Variants in CNOT3 observed in about 807,000 individuals in gnomAD.
The protein encoded by CNOT3 is CCR4-NOT transcription complex subunit 3.
CNOT3 carries 2 observed loss-of-function variants against 89.4 expected under a neutral mutation model. That is an observed-to-expected ratio of 0.02 (90% CI 0.01 to 0.07). The LOEUF is 0.07. CNOT3 is among the 10% of genes least tolerant of loss of function. The pLI, the probability that CNOT3 is intolerant of heterozygous loss-of-function variation, is 1.00. For missense variants in CNOT3, 664 were observed against 1,010.2 expected (o/e 0.66, Z 4.65); for synonymous variants, 486 against 402.0 (o/e 1.21, Z -2.50).
chr19:54,146,134 G>T, intron 9 of CNOT3, 91 bp downstream of exon 9: 4 of 1,414,766 alleles, frequency 2.8e-6, no homozygotes, highest in African/African-American at 1.4e-5. Flanking sequence ...GGCTATGGGA[G>T]CGTAATTGAG....
Position 54,148,877 on chromosome 19 carries a change from A to C in CNOT3, c.1406+134A>C. The C allele has an allele frequency of 1.4e-6, 1 of 737,788 alleles. No individual in the cohort carries two copies. Among genetic ancestry groups the C allele is most frequent in the Non-Finnish European group, 2.2e-6 (1 of 456,958 alleles). 45.7% of individuals were successfully genotyped at this position (737,788 alleles called of 1,614,324 possible). ...TGGGAATGGCCAAGCGCTATCCTCC[A>C]TCTCCCTCGGGTGTTACACCCCCAC... On this transcript the variant is annotated intron_variant, in intron 12 of 17. Coordinates refer to ENST00000221232, the MANE Select transcript of CNOT3 (RefSeq NM_014516.4). The surrounding 1 kb of genome is among the most constrained non-coding windows in gnomAD (Gnocchi z 6.3).
At chr19:54,154,268 A>C in intron 17 of CNOT3, 1 of 343,882 alleles carries the variant, frequency 2.9e-6, no homozygotes, top group Non-Finnish European at 5.8e-6. Flanking sequence ...CAGTGCGGAA[A>C]CTATTTTTTT....
rs748695544 is a variant in CNOT3, at chr19:54,145,509, G to A, written c.484-89G>A. 4.4e-6 allele frequency: 4 copies of A among 899,756 alleles called. No individual in the cohort carries two copies. In the South Asian group the frequency reaches 5.7e-5, roughly 13 times the overall value. 55.7% of individuals were successfully genotyped at this position (899,756 alleles called of 1,614,324 possible). ...GTGGAGGCTTTGGGTCTCCACAGGG[G>A]TCAGGGACTGAGGACAGGTTCTGTG... is the stretch of plus-strand genomic sequence containing the variant. On this transcript the variant is annotated intron_variant, in intron 7 of 17. Transcript: ENST00000221232. The surrounding 1 kb of genome is among the most constrained non-coding windows in gnomAD (Gnocchi z 5.9).
rs1476277981 is a variant in CNOT3 at position 54,152,900 on chromosome 19, C to G, written c.1938C>G (p.Pro646=). The change falls in exon 16 of 18, where the codon CCC becomes CCG. Residue 646 remains proline, a synonymous_variant. Transcript: ENST00000221232. ...QYLPRNPCPT[P]PYHHQMPPPH... ...TCCCCCGGAACCCCTGTCCGACGCC[C>G]CCCTACCACCACCAGATGCCACCCC... is the stretch of plus-strand genomic sequence containing the variant. 5 of 1,568,570 alleles carry G rather than the reference C, an allele frequency of 3.2e-6. No individual in the cohort carries two copies. The highest frequency in any genetic ancestry group is 4.3e-6 in the Non-Finnish European group (5 of 1,149,792).
In CNOT3 at chr19:54,145,956, G is replaced by A; in HGVS notation, c.750G>A (p.Glu250=). The change falls in exon 9 of 18, where the codon GAG becomes GAA. Residue 250 remains glutamate (E), a synonymous_variant. Coordinates refer to ENST00000221232, the MANE Select transcript of CNOT3 (RefSeq NM_014516.4). This position sits in a 1 kb window ranked among gnomAD's most constrained non-coding sequence, Gnocchi z 5.9. ...ATSPPSHSHM[E]DEIFNQSSST... is the part of the protein sequence containing the mutation. ...CCCCCCCCAGCCACAGCCACATGGAGGATGAGATCTTCAACCAGTCCAGCA... is the reference window on the plus strand; with the variant it reads ...CCCCCCCCAGCCACAGCCACATGGAAGATGAGATCTTCAACCAGTCCAGCA... 2 of 1,613,984 alleles carry A rather than the reference G, an allele frequency of 1.2e-6. No individual in the cohort carries two copies. Among genetic ancestry groups the A allele is most frequent in the African/African-American group, 1.3e-5 (1 of 75,034 alleles).
intron 13 of CNOT3, among the ~76,000 whole-genome samples, chr19:54,150,347 G>A (rs1439244019): frequency 1.3e-5 from 2 of 152,210 alleles, no homozygotes; most frequent in Non-Finnish European, 2.9e-5. Context: ...GGTGCTTTAG[G>A]AGGAGCATGC....
Position 54,153,016 on chromosome 19 carries a change from G to GGGGCAGCCTCGGGCCCCCC in CNOT3, c.2037+20_2037+38dup. 2 of 1,597,132 alleles carry GGGGCAGCCTCGGGCCCCCC rather than the reference G, an allele frequency of 1.3e-6. No individual in the cohort carries two copies. Among genetic ancestry groups the GGGGCAGCCTCGGGCCCCCC allele is most frequent in the Non-Finnish European group, 1.7e-6 (2 of 1,168,468 alleles). On this transcript the variant is annotated intron_variant, in intron 16 of 17. Transcript: ENST00000221232. Reference sequence around the variant, plus strand: ...TATCTGGAGGTACAGCAGGGCCCCCGGGGCAGCCTCGGGCCCCCCGGCTTC... The same window carrying GGGGCAGCCTCGGGCCCCCC: ...TATCTGGAGGTACAGCAGGGCCCCCGGGGCAGCCTCGGGCCCCCCGGGCAGCCTCGGGCCCCCCGGCTTC...
Position 54,137,838 on chromosome 19 carries a change from C to T in CNOT3, c.-206C>T, listed in dbSNP as rs2074277917. 1 of 151,994 alleles carries T rather than the reference C, an allele frequency of 6.6e-6. No homozygotes were observed. 9.4% of individuals were successfully genotyped at this position (151,994 alleles called of 1,614,324 possible). ...GCCTCCCTTGAGCCCCGACCCCCGT[C>T]GTCAGAACAACCCCGGGCCCACTCC... On this transcript the variant is annotated 5_prime_UTR_variant, in exon 1 of 18. Coordinates refer to ENST00000221232, the MANE Select transcript of CNOT3 (RefSeq NM_014516.4).
intron 1 of CNOT3, among the ~76,000 whole-genome samples, chr19:54,139,040 C>T (rs1175841502): frequency 6.6e-6 from 1 of 152,208 alleles, no homozygotes; most frequent in African/African-American, 2.4e-5. Flanking sequence ...CCCTGGCGCT[C>T]AGGTGCCTGG....
At position 54,145,189 on chromosome 19, in the gene CNOT3, T is replaced by C. The variant is rs1248593296; in HGVS notation, c.484-409T>C. Among the ~76,000 whole-genome samples the C allele has an allele frequency of 6.6e-6, 1 of 152,004 alleles. No individual in the cohort carries two copies. The highest frequency in any genetic ancestry group is 2.4e-5 in the African/African-American group (1 of 41,366). Reference sequence around the variant, plus strand: ...CAGCAAGCTCCTCACAAATGGGGGTTATCATTGTTACTGCTGGAGCAGGTC... The same window carrying C: ...CAGCAAGCTCCTCACAAATGGGGGTCATCATTGTTACTGCTGGAGCAGGTC... On this transcript the variant is annotated intron_variant, in intron 7 of 17. Coordinates refer to ENST00000221232, the MANE Select transcript of CNOT3 (RefSeq NM_014516.4). This position sits in a 1 kb window ranked among gnomAD's most constrained non-coding sequence, Gnocchi z 5.9.
At chr19:54,138,902 C>G (rs753655546) in intron 1 of CNOT3, among the ~76,000 whole-genome samples, 2 of 152,224 alleles carry the variant, frequency 1.3e-5, no homozygotes, top group Non-Finnish European at 2.9e-5. Flanking sequence ...CTTCTTTGAT[C>G]CTGGCGTCTG....
rs2074566797 is a variant in CNOT3, at chr19:54,144,221, CCT to C, written c.388-12_388-11del. The stretch of plus-strand genomic sequence containing the variant: ...AACCCTAGCTGATGGGCTTCCTCTT[CCT>C]CTCCCTCCCCTAGAATACCATCGAC... On this transcript the variant is annotated splice_polypyrimidine_tract_variant and intron_variant, in intron 6 of 17. Transcript: ENST00000221232. The surrounding 1 kb of genome is among the most constrained non-coding windows in gnomAD (Gnocchi z 4.8). 1 of 1,613,598 alleles carries C rather than the reference CCT, an allele frequency of 6.2e-7. No homozygotes were observed. The highest frequency in any genetic ancestry group is 8.5e-7 in the Non-Finnish European group (1 of 1,179,688).
At chr19:54,138,146 CGGGGCTCCCGGCGG>C (rs1426532971) in intron 1 of CNOT3, among the ~76,000 whole-genome samples, 153 bp downstream of exon 1, 1 of 151,878 alleles carries the variant, frequency 6.6e-6, no homozygotes, top group African/African-American at 2.4e-5. Flanking sequence ...CTCTGCAGCG[CGGGGCTCCCGGCGG>C]GGGGCGGCTC....
Position 54,148,759 on chromosome 19 carries a change from A to G in CNOT3, c.1406+16A>G, listed in dbSNP as rs988915249. 31 of 1,608,034 alleles carry G rather than the reference A, an allele frequency of 1.9e-5. No individual in the cohort carries two copies. Among genetic ancestry groups the G allele is most frequent in the Non-Finnish European group, 2.5e-5 (29 of 1,177,666 alleles). On this transcript the variant is annotated intron_variant, in intron 12 of 17. Coordinates refer to ENST00000221232, the MANE Select transcript of CNOT3 (RefSeq NM_014516.4). This position sits in a 1 kb window ranked among gnomAD's most constrained non-coding sequence, Gnocchi z 6.3. ...CCAGCACCTCGTGAGTGTCTCGGCC[A>G]TCGGCAGGGTTGGGATGGCAGCCTT...
At position 54,145,579 on chromosome 19, in the gene CNOT3, G is replaced by A. The variant is rs761899974; in HGVS notation, c.484-19G>A. ...AGGTGCTCTGCAGCCCCTGAGCCTG[G>A]CCCTGGGCTCGCCAGCAGAAGCAGG... On this transcript the variant is annotated intron_variant, in intron 7 of 17. Coordinates refer to ENST00000221232, the MANE Select transcript of CNOT3 (RefSeq NM_014516.4). This position sits in a 1 kb window ranked among gnomAD's most constrained non-coding sequence, Gnocchi z 5.9. 14 of 1,597,366 alleles carry A rather than the reference G, an allele frequency of 8.8e-6. No homozygotes were observed. In the Admixed American group the frequency reaches 1.2e-4, roughly 13 times the overall value.
In CNOT3 at chr19:54,148,014, A is replaced by AGAG. The variant is rs2074778265; in HGVS notation, c.895-132_895-130dup. 1.7e-6 allele frequency: 1 copy of AGAG among 579,512 alleles called. No individual in the cohort carries two copies. Among genetic ancestry groups the AGAG allele is most frequent in the African/African-American group, 2.0e-5 (1 of 50,990 alleles). 35.9% of individuals were successfully genotyped at this position (579,512 alleles called of 1,614,324 possible). A position where few individuals can be genotyped will look rare whatever the true frequency, so the allele number is the denominator to read the frequency against. On this transcript the variant is annotated intron_variant, in intron 10 of 17. Transcript: ENST00000221232. This position sits in a 1 kb window ranked among gnomAD's most constrained non-coding sequence, Gnocchi z 6.3. ...GTGAGTAAGGTCACCCAGGTCCCCA[A>AGAG]GAGGGCAGGAGCAGGTGGGGGCAGC... is the stretch of plus-strand genomic sequence containing the variant.
Position 54,154,067 on chromosome 19 carries a change from T to C in CNOT3, c.2163+227T>C, listed in dbSNP as rs1364765414. The C allele has an allele frequency of 8.4e-6, 6 of 717,314 alleles. No homozygotes were observed. The East Asian group carries it at 1.4e-4, about 16-fold the overall frequency. 44.4% of individuals were successfully genotyped at this position (717,314 alleles called of 1,614,324 possible). ...CCTCCTGTAGGTCTCAGCCCAAATG[T>C]CCCTTCCTCAAAGAAACCTTCCTGG... On this transcript the variant is annotated intron_variant, in intron 17 of 17. Transcript: ENST00000221232.
Position 54,150,085 on chromosome 19 carries a change from G to A in CNOT3, c.1605+327G>A, listed in dbSNP as rs587750826. ...CCGCAGGCCCTCAGTTTCTGTCCCC[G>A]TTTGTCCTCACAAGGCATAGACTGG... is the stretch of plus-strand genomic sequence containing the variant. On this transcript the variant is annotated intron_variant, in intron 13 of 17. Transcript: ENST00000221232. Among the ~76,000 whole-genome samples, 25 of 152,040 alleles carry A rather than the reference G, an allele frequency of 1.6e-4. No individual in the cohort carries two copies. In the South Asian group the frequency reaches 4.6e-3, roughly 28 times the overall value.
chr19:54,152,230 C>A lies in CNOT3; in HGVS notation c.1610C>A (p.Pro537His). The A allele has an allele frequency of 6.2e-7, 1 of 1,614,170 alleles. No homozygotes were observed. The highest frequency in any genetic ancestry group is 2.2e-5 in the East Asian group (1 of 44,880). The change falls in exon 14 of 18, where the codon CCT (proline) becomes CAT (histidine). Residue 537 changes from proline to histidine, a missense_variant. Transcript: ENST00000221232. Reference sequence around the variant, plus strand: ...GGCCTCTTGTTTCCTCCCCAGGCCCCTGAGCCTCTGAGCTCCTTGAAGTCC... The same window carrying A: ...GGCCTCTTGTTTCCTCCCCAGGCCCATGAGCCTCTGAGCTCCTTGAAGTCC... The part of the protein sequence containing the change: ...QFSTAPEIKA[P>H]EPLSSLKSMA...
Sources: allele counts gnomAD v4.1 joint callset (sites outside exome capture counted in the v4.1 genomes callset), GRCh38; gene constraint gnomAD v4.1.1; non-coding constraint Gnocchi (gnomAD v3.1); transcripts MANE v1.5; gene names NCBI Gene and HGNC (gene_info 2026-07-23, HGNC 2026-07-21).